The following ADAMTSL3 variants were observed in gnomAD, a reference collection of about 807,000 sequenced individuals.
ADAMTSL3 encodes ADAMTS-like protein 3.
In ADAMTSL3, 128 loss-of-function variants were observed where a neutral mutation model predicts 201.7. The observed-to-expected ratio is 0.63, with a 90% CI of 0.55 to 0.73. ADAMTSL3 has a LOEUF of 0.73. Among genes scored for constraint, ADAMTSL3 ranks in the 30% least tolerant of loss-of-function variants. ADAMTSL3 has a pLI of 0.00. For synonymous variants in ADAMTSL3, 738 were observed against 748.4 expected, an observed-to-expected ratio of 0.99 and a Z score of 0.23; for missense variants, 1,990 against 2,119.6, an observed-to-expected ratio of 0.94 and a Z score of 1.20.
In ADAMTSL3 at chr15:83,766,302, G is replaced by A. The variant is rs116845865; in HGVS notation, c.190-7221G>A. Among the ~76,000 whole-genome samples, 1,116 of 152,298 alleles carry A rather than the reference G, an allele frequency of 7.3e-3. 9 individuals carry two copies. The highest frequency in any genetic ancestry group is 0.012 in the Non-Finnish European group (798 of 68,028). ...GCCAGATCCACATTGTATTCACAGG[G>A]CACTGAGCACAGAGCCTTGAACTTA... On this transcript the variant is annotated intron_variant, in intron 3 of 29. Transcript: ENST00000286744.
At chr15:83,940,572 C>T (rs1336547915) in intron 17 of ADAMTSL3, among the ~76,000 whole-genome samples, 1 of 152,210 alleles carries the variant, frequency 6.6e-6, no homozygotes, top group Admixed American at 6.5e-5. Flanking sequence ...TCAAAGGTCC[C>T]ATCTCTAAAT....
At chr15:83,960,728 T>A (rs1441053963) in intron 19 of ADAMTSL3, among the ~76,000 whole-genome samples, 1 of 152,156 alleles carries the variant, frequency 6.6e-6, no homozygotes, top group Non-Finnish European at 1.5e-5. Flanking sequence ...TTCGAAAATC[T>A]GAAAGGAGAT....
chr15:83,831,405 G>C (rs2064154722), intron 6 of ADAMTSL3, among the ~76,000 whole-genome samples: 2 of 152,168 alleles, frequency 1.3e-5, no homozygotes, highest in Non-Finnish European at 2.9e-5. Context: ...TAGAGGGAAA[G>C]ATACAACTAC....
chr15:83,963,894 C>T (rs1191936592), intron 19 of ADAMTSL3, among the ~76,000 whole-genome samples: 4 of 152,186 alleles, frequency 2.6e-5, no homozygotes, highest in African/African-American at 9.7e-5. Flanking sequence ...CCAGCAAACT[C>T]CAGCAGACCT....
At chr15:83,795,625 G>GA (rs892125684) in intron 4 of ADAMTSL3, among the ~76,000 whole-genome samples, 10 of 151,124 alleles carry the variant, frequency 6.6e-5, no homozygotes, top group African/African-American at 2.2e-4. Flanking sequence ...AATTCCATAT[G>GA]AAAAAAAAAT....
intron 3 of ADAMTSL3, among the ~76,000 whole-genome samples, chr15:83,742,600 G>T (rs1385038539): frequency 6.6e-6 from 1 of 152,104 alleles, no homozygotes; most frequent in Non-Finnish European, 1.5e-5. Context: ...GGAAATACAG[G>T]TTCACAAAAT....
At chr15:83,977,452 T>C (rs2067306990) in intron 20 of ADAMTSL3, among the ~76,000 whole-genome samples, 1 of 152,154 alleles carries the variant, frequency 6.6e-6, no homozygotes, top group Admixed American at 6.5e-5. Flanking sequence ...CTTGAAGGCA[T>C]TAACCTAGAG....
chr15:83,710,848 A>T (rs1290821403), intron 3 of ADAMTSL3, among the ~76,000 whole-genome samples: 3 of 152,184 alleles, frequency 2.0e-5, no homozygotes, highest in Non-Finnish European at 4.4e-5. Flanking sequence ...TTTTCAGGTG[A>T]GGAATCTGAG....
At chr15:83,949,781 A>G (rs1011894506) in intron 19 of ADAMTSL3, among the ~76,000 whole-genome samples, 1 of 152,112 alleles carries the variant, frequency 6.6e-6, no homozygotes, top group African/African-American at 2.4e-5. Context: ...TCACCTTGTC[A>G]TATGCCTGCT....
chr15:83,910,494 C>G (rs1555459355), intron 15 of ADAMTSL3, among the ~76,000 whole-genome samples: 1 of 138,832 alleles, frequency 7.2e-6, no homozygotes, highest in Non-Finnish European at 1.5e-5. Flanking sequence ...TAAGTCACTT[C>G]TTGTTACTTT....
chr15:83,896,702 A>G (rs1400732907), intron 13 of ADAMTSL3, among the ~76,000 whole-genome samples: 1 of 151,890 alleles, frequency 6.6e-6, no homozygotes, highest in Non-Finnish European at 1.5e-5. Context: ...TAGTCTATCA[A>G]TTTTTTTTAA....
chr15:83,791,730 G>A (rs764216745), intron 4 of ADAMTSL3, among the ~76,000 whole-genome samples: 4 of 151,828 alleles, frequency 2.6e-5, no homozygotes, highest in Non-Finnish European at 4.4e-5. Flanking sequence ...CATGGTAGCG[G>A]GCGCCTGTAG....
At chr15:83,782,868 C>T (rs545394135) in intron 4 of ADAMTSL3, among the ~76,000 whole-genome samples, 119 of 150,472 alleles carry the variant, frequency 7.9e-4, no homozygotes, top group African/African-American at 2.8e-3. Flanking sequence ...TACCTCTGAA[C>T]TTAAAATAAA....
At chr15:83,912,970 G>A (rs544786579) in intron 15 of ADAMTSL3, 122 bp from the exon 16 acceptor site, 5 of 1,022,036 alleles carry the variant, frequency 4.9e-6, no homozygotes, top group African/African-American at 1.6e-5. Flanking sequence ...TTCCAAATGT[G>A]TGGAATTCCA....
At chr15:83,853,664 A>G (rs951099827) in intron 7 of ADAMTSL3, among the ~76,000 whole-genome samples, 1 of 152,184 alleles carries the variant, frequency 6.6e-6, no homozygotes, top group African/African-American at 2.4e-5. Context: ...TCATTTGTAT[A>G]TAGTGCATAA....
At chr15:83,779,061 G>A (rs56176147) in intron 4 of ADAMTSL3, among the ~76,000 whole-genome samples, 13,408 of 152,086 alleles carry the variant, frequency 0.088, 747 homozygotes, top group East Asian at 0.24. Flanking sequence ...CAAGAAGACC[G>A]AACTATCCTA....
At chr15:83,877,226 C>A (rs1010620212) in intron 9 of ADAMTSL3, among the ~76,000 whole-genome samples, 3 of 152,204 alleles carry the variant, frequency 2.0e-5, no homozygotes, top group Admixed American at 2.0e-4. Flanking sequence ...ATGCCCATCC[C>A]CTAAGATATT....
At chr15:83,663,967 A>G (rs2061212177) in intron 2 of ADAMTSL3, among the ~76,000 whole-genome samples, 1 of 151,842 alleles carries the variant, frequency 6.6e-6, no homozygotes, top group East Asian at 1.9e-4. Context: ...GCTTTTAAAA[A>G]ATGCTCCTCA....
chr15:83,883,556 T>C (rs960113275), intron 9 of ADAMTSL3, among the ~76,000 whole-genome samples: 6 of 151,904 alleles, frequency 3.9e-5, no homozygotes, highest in Non-Finnish European at 7.4e-5. Context: ...TAGAGATTTT[T>C]CTTTTTCATG....
Sources: allele counts gnomAD v4.1 joint callset (sites outside exome capture counted in the v4.1 genomes callset), GRCh38; gene constraint gnomAD v4.1.1; transcripts MANE v1.5; gene names NCBI Gene and HGNC (gene_info 2026-07-23, HGNC 2026-07-21).